WDR46: variants seen among roughly 807,000 people sequenced by gnomAD.
WDR46 encodes the protein WD repeat-containing protein 46.
In WDR46, 58 loss-of-function variants were observed where a neutral mutation model predicts 74.7. That is an observed-to-expected ratio of 0.78 (90% confidence interval 0.63 to 0.97). WDR46 has a LOEUF of 0.97. Among genes scored for constraint, WDR46 ranks in the 50% least tolerant of loss-of-function variants. WDR46 has a pLI of 0.00. For synonymous variants in WDR46, 278 were observed against 297.3 expected, an observed-to-expected ratio of 0.93 and a Z score of 0.67; for missense variants, 702 against 790.1, an observed-to-expected ratio of 0.89 and a Z score of 1.34.
chr6:33,284,139 C>G (rs1766417124), intron 10 of WDR46, among the ~76,000 whole-genome samples: 1 of 151,222 alleles, frequency 6.6e-6, no homozygotes, highest in African/African-American at 2.4e-5. Flanking sequence ...ATCCCAGCTA[C>G]TCAGGAGGCT....
rs1473864465 is a variant in WDR46 at position 33,289,203 on chromosome 6, ACTC to A, written c.-36_-34del. ...ACCCGAACGGCGATCCACGTGCAAA[ACTC>A]CTCTCAGCTGCCACACAGTCGGCTT... On this transcript the variant is annotated 5_prime_UTR_variant, in exon 1 of 15. Transcript: ENST00000374617. 1 of 1,595,870 alleles carries A rather than the reference ACTC, an allele frequency of 6.3e-7. No individual in the cohort carries two copies.
In WDR46 at chr6:33,284,966, T is replaced by C. The variant is rs1766488911; in HGVS notation, c.1115+1829A>G. The C allele has an allele frequency of 2.0e-5, 3 of 153,738 alleles. No homozygotes were observed. In the South Asian group the frequency reaches 6.2e-4, roughly 32 times the overall value. The allele number at this position is 153,738 out of a possible 1,614,324, so 9.5% of individuals were successfully genotyped here. A position where few individuals can be genotyped will look rare whatever the true frequency, so the allele number is the denominator to read the frequency against. On this transcript the variant is annotated intron_variant, in intron 10 of 14. Coordinates refer to ENST00000374617, the MANE Select transcript of WDR46 (RefSeq NM_005452.6). ...CAAGTCACAGTGACACAGTCGTAAG[T>C]GCTTCACAGCATTTCAAGCACCTCA...
Position 33,289,153 on chromosome 6 carries a change from C to A in WDR46, c.18G>T (p.Lys6Asn). Reference protein sequence around the residue: METAPKPGKDVPPKKD... With the variant: METAPNPGKDVPPKKD... ...TCTTGGGCGGGACATCCTTGCCCGGCTTGGGGGCTGTCTCCATCTCGCCCA... is the reference window on the plus strand; with the variant it reads ...TCTTGGGCGGGACATCCTTGCCCGGATTGGGGGCTGTCTCCATCTCGCCCA... The change falls in exon 1 of 15, where the codon AAG (lysine) becomes AAT (asparagine). Residue 6 changes from lysine to asparagine, a missense_variant. Transcript: ENST00000374617. 6.2e-7 allele frequency: 1 copy of A among 1,613,148 alleles called. No individual in the cohort carries two copies.
At position 33,280,845 on chromosome 6, in the gene WDR46, C is replaced by T. The variant is rs1766110400; in HGVS notation, c.1258G>A (p.Gly420Ser). ...SQRGLLVAGMGDVVNIWAGQG... is the reference protein window; with the variant it reads ...SQRGLLVAGMSDVVNIWAGQG... ...CCTGCCCAGATGTTGACAACGTCAC[C>T]CATTCCCGCCACCAGCAGTCCCCTC... Residue 420 changes from glycine to serine, a missense_variant, in exon 11 of 15, where the codon GGT (glycine) becomes AGT (serine). By Grantham distance (56) the Gly-to-Ser change is moderately conservative. Transcript: ENST00000374617. The T allele has an allele frequency of 6.2e-7, 1 of 1,614,182 alleles. No homozygotes were observed. The highest frequency in any genetic ancestry group is 8.5e-7 in the Non-Finnish European group (1 of 1,180,034).
intron 12 of WDR46, among the ~76,000 whole-genome samples, chr6:33,280,167 G>C (rs1007121550): frequency 6.7e-6 from 1 of 150,218 alleles, no homozygotes; most frequent in African/African-American, 2.5e-5. Flanking sequence ...CTCCAGCAGG[G>C]GGAATCTCAC....
intron 10 of WDR46, among the ~76,000 whole-genome samples, chr6:33,285,709 G>C (rs1425627607): frequency 6.6e-6 from 1 of 152,054 alleles, no homozygotes; most frequent in Non-Finnish European, 1.5e-5. Flanking sequence ...ATTTTTAGTA[G>C]AGACAGAGTT....
intron 10 of WDR46, among the ~76,000 whole-genome samples, chr6:33,283,675 G>A (rs919719313): frequency 3.9e-5 from 6 of 152,028 alleles, no homozygotes; most frequent in Non-Finnish European, 5.9e-5. Flanking sequence ...CGAGGTGGGT[G>A]GATCACCTGA....
chr6:33,281,737 C>G (rs760322657), intron 10 of WDR46, among the ~76,000 whole-genome samples: 3 of 152,190 alleles, frequency 2.0e-5, no homozygotes, highest in Non-Finnish European at 2.9e-5. Flanking sequence ...CTTGCCCTGC[C>G]CCTCTGTGTG....
intron 10 of WDR46, among the ~76,000 whole-genome samples, chr6:33,282,305 C>G (rs1212060509): frequency 1.3e-5 from 2 of 152,122 alleles, no homozygotes; most frequent in South Asian, 2.1e-4. Flanking sequence ...CTGGATACTT[C>G]CGACAAGATA....
chr6:33,279,768 C>G lies in WDR46; in HGVS notation c.1616G>C (p.Arg539Thr). The change falls in exon 13 of 15, where the codon AGG becomes ACG. Residue 539 changes from arginine to threonine, a missense_variant. Physicochemically the swap from Arg to Thr is moderately conservative, Grantham distance 71. Transcript: ENST00000374617. ...LEQGKKEQIE[R>T]LGYDPQAKAP... ...ATTCAGGGGCCTGCTCCATACCAGC[C>G]TCTCTATCTGCTCCTTCTTTCCCTG... 1 of 1,614,132 alleles carries G rather than the reference C, an allele frequency of 6.2e-7. No homozygotes were observed.
chr6:33,289,182 G>A lies in WDR46; in HGVS notation c.-12C>T, dbSNP rs367749225. ...GGGGCTGTCTCCATCTCGCCCACCCGAACGGCGATCCACGTGCAAAACTCC... is the reference window on the plus strand; with the variant it reads ...GGGGCTGTCTCCATCTCGCCCACCCAAACGGCGATCCACGTGCAAAACTCC... On this transcript the variant is annotated 5_prime_UTR_variant, in exon 1 of 15. Transcript: ENST00000374617. The A allele has an allele frequency of 1.2e-6, 2 of 1,605,552 alleles. No individual in the cohort carries two copies. The highest frequency in any genetic ancestry group is 1.1e-5 in the South Asian group (1 of 90,280).
chr6:33,285,820 G>A (rs2150906077), intron 10 of WDR46, among the ~76,000 whole-genome samples: 1 of 148,616 alleles, frequency 6.7e-6, no homozygotes, highest in South Asian at 2.3e-4. Context: ...CACCGCACCT[G>A]GCCATATTAC....
chr6:33,287,404 C>T lies in WDR46; in HGVS notation c.830G>A (p.Arg277Gln), dbSNP rs201331161. The change falls in exon 8 of 15, where the codon CGA (arginine) becomes CAA (glutamine). Residue 277 changes from arginine (R) to glutamine (Q), a missense_variant. Transcript: ENST00000374617. ...IELHCIRRCD[R>Q]VTRLEFLPFH... is the part of the protein sequence containing the mutation. ...GGGCAGGAACTCAAGCCGTGTTACT[C>T]GGTCACAGCGGCGGATACAGTGGAG... 1.6e-4 allele frequency: 264 copies of T among 1,611,978 alleles called. No individual in the cohort carries two copies. Among genetic ancestry groups the T allele is most frequent in the Non-Finnish European group, 2.1e-4 (245 of 1,179,708 alleles).
At chr6:33,282,661 G>A (rs545984976) in intron 10 of WDR46, among the ~76,000 whole-genome samples, 1 of 152,342 alleles carries the variant, frequency 6.6e-6, no homozygotes, top group South Asian at 2.1e-4. Flanking sequence ...AGAAAAGCAG[G>A]GATGGGCTGA....
At chr6:33,280,640 A>G in intron 11 of WDR46, 34 bp downstream of exon 11, 1 of 1,591,308 alleles carries the variant, frequency 6.3e-7, no homozygotes, top group Non-Finnish European at 8.6e-7. Context: ...CCCAGAGTTC[A>G]TTCACTTCAA....
At chr6:33,288,088 T>A in intron 5 of WDR46, 60 bp downstream of exon 5, 7 of 1,613,782 alleles carry the variant, frequency 4.3e-6, no homozygotes, top group Non-Finnish European at 5.9e-6. Flanking sequence ...CTAGCCCCCA[T>A]TCCTCTATTG....
Position 33,288,211 on chromosome 6 carries a change from T to C in WDR46, c.498A>G (p.Glu166=). 1 of 1,614,220 alleles carries C rather than the reference T, an allele frequency of 6.2e-7. No individual in the cohort carries two copies. Among genetic ancestry groups the C allele is most frequent in the Non-Finnish European group, 8.5e-7 (1 of 1,180,044 alleles). Residue 166 remains glutamate (E), a synonymous_variant, in exon 5 of 15, where the codon GAA becomes GAG. Transcript: ENST00000374617. ...CAGCCTGGCATATCTTTGCTGTGTC[T>C]TCCCCATCCTCCCCTTCCAGAAACC... The part of the protein sequence containing the change: ...EPGFLEGEDG[E]DTAKICQADI...
Position 33,287,972 on chromosome 6 carries a change from T to C in WDR46, c.616A>G (p.Thr206Ala). 6.2e-7 allele frequency: 1 copy of C among 1,614,164 alleles called. No homozygotes were observed. Among genetic ancestry groups the C allele is most frequent in the Non-Finnish European group, 8.5e-7 (1 of 1,180,006 alleles). ...ACTAGAATTCAACCTTACCTTCCAG[T>C]TCGAGAGTAGTTTAGTCTGTAGGGT... ...FGPYRLNYSR[T>A]GRHLAFGGRR... The change falls in exon 6 of 15, where the codon ACT becomes GCT. Residue 206 changes from threonine (T) to alanine (A), a missense_variant. Thr to Ala is a moderately conservative substitution (Grantham distance 58). Coordinates refer to ENST00000374617, the MANE Select transcript of WDR46 (RefSeq NM_005452.6).
intron 10 of WDR46, among the ~76,000 whole-genome samples, chr6:33,282,613 G>C (rs375997839): frequency 6.6e-6 from 1 of 152,192 alleles, no homozygotes; most frequent in Non-Finnish European, 1.5e-5. Flanking sequence ...CTCATCACTG[G>C]AGCCCCCGTG....
Sources: gnomAD v4.1 joint callset for allele counts (sites outside exome capture counted in the v4.1 genomes callset) on GRCh38, gnomAD v4.1.1 for gene constraint, MANE v1.5 for transcripts, NCBI Gene and HGNC (gene_info 2026-07-23, HGNC 2026-07-21) for gene names.